The following HTR4 variants were observed in gnomAD, a reference collection of about 807,000 sequenced individuals.
HTR4 encodes 5-hydroxytryptamine receptor 4.
In HTR4, 16 loss-of-function variants were observed where a neutral mutation model predicts 36.8. The observed-to-expected ratio is 0.43, with a 90% CI of 0.29 to 0.66. The LOEUF is 0.66. HTR4 is among the 30% of genes least tolerant of loss of function. The pLI is 0.13. For missense variants in HTR4, 438 were observed against 490.9 expected, an observed-to-expected ratio of 0.89 and a Z score of 1.02; for synonymous variants, 189 against 185.1, an observed-to-expected ratio of 1.02 and a Z score of -0.17.
chr5:148,603,395 A>C (rs1762063158), intron 2 of HTR4, among the ~76,000 whole-genome samples: 1 of 152,050 alleles, frequency 6.6e-6, no homozygotes, highest in East Asian at 1.9e-4. Context: ...ATCCCAAAGA[A>C]CACCTTATAA....
At chr5:148,458,545 G>C (rs918813356) in intron 5 of HTR4, among the ~76,000 whole-genome samples, 7 of 152,044 alleles carry the variant, frequency 4.6e-5, no homozygotes, top group African/African-American at 9.7e-5. Context: ...CATGTCAGAG[G>C]GGGGATGAGA....
chr5:148,452,207 C>T (rs953835918), intron 5 of HTR4, among the ~76,000 whole-genome samples: 1 of 152,200 alleles, frequency 6.6e-6, no homozygotes, highest in Non-Finnish European at 1.5e-5. Context: ...ATTTAATCCC[C>T]ATAATTGCCT....
intron 4 of HTR4, among the ~76,000 whole-genome samples, chr5:148,528,402 A>C (rs1318546960): frequency 1.3e-5 from 2 of 152,138 alleles, no homozygotes; most frequent in Admixed American, 1.3e-4. Flanking sequence ...TCACACCAAG[A>C]CCTGGCACCT....
chr5:148,490,877 C>G (rs1756386633), intron 6 of HTR4: 3 of 469,586 alleles, frequency 6.4e-6, no homozygotes, highest in South Asian at 4.7e-5. Flanking sequence ...TAATTATGAC[C>G]TAAAACCTCT....
intron 2 of HTR4, among the ~76,000 whole-genome samples, chr5:148,577,510 A>G (rs1488619900): frequency 2.0e-5 from 3 of 152,170 alleles, no homozygotes; most frequent in African/African-American, 7.2e-5. Flanking sequence ...ATAAAGACAC[A>G]TGCACACGAA....
intron 2 of HTR4, among the ~76,000 whole-genome samples, chr5:148,595,332 C>A (rs370196285): frequency 1.3e-5 from 2 of 152,220 alleles, no homozygotes; most frequent in African/African-American, 4.8e-5. Context: ...GACACAGATG[C>A]CCCAGCTCAC....
intron 6 of HTR4, among the ~76,000 whole-genome samples, chr5:148,497,134 A>C (rs190137619): frequency 8.9e-4 from 136 of 152,120 alleles, no homozygotes; most frequent in South Asian, 2.5e-3. Flanking sequence ...TTCAAAAAAA[A>C]CCATTTTTTT....
At chr5:148,484,230 G>A (rs1383878635) in intron 6 of HTR4, 3 of 1,598,148 alleles carry the variant, frequency 1.9e-6, no homozygotes, top group Non-Finnish European at 2.6e-6. Context: ...AAAAAATGTT[G>A]AGCAAGATAA....
chr5:148,625,582 T>G (rs939937009), intron 2 of HTR4, among the ~76,000 whole-genome samples: 6 of 151,950 alleles, frequency 3.9e-5, no homozygotes, highest in African/African-American at 7.3e-5. Context: ...TTGTTTGGGG[T>G]TTTTTTGTTT....
intron 4 of HTR4, among the ~76,000 whole-genome samples, chr5:148,525,159 A>G (rs1490832820): frequency 1.3e-5 from 2 of 152,182 alleles, no homozygotes; most frequent in African/African-American, 4.8e-5. Flanking sequence ...AAGATAACTC[A>G]GTCATTGAAA....
At chr5:148,613,519 T>A (rs923862472) in intron 2 of HTR4, among the ~76,000 whole-genome samples, 1 of 151,450 alleles carries the variant, frequency 6.6e-6, no homozygotes, top group East Asian at 1.9e-4. Flanking sequence ...TAGGTATTGA[T>A]GGGATGTATC....
In HTR4 at chr5:148,457,474, C is replaced by T. The variant is rs1469545029; in HGVS notation, c.1077-6202G>A. Reference sequence around the variant, plus strand: ...GCAGCCTGGATGTGGTAATTAGTAGCGTAATAATAGCCCCCTCTGCCTGCC... The same window carrying T: ...GCAGCCTGGATGTGGTAATTAGTAGTGTAATAATAGCCCCCTCTGCCTGCC... On this transcript the variant is annotated intron_variant, in intron 5 of 5. Transcript: ENST00000521530. 3.4e-5 allele frequency among the ~76,000 whole-genome samples: 5 copies of T among 148,692 alleles called. No individual in the cohort carries two copies. In the South Asian group the frequency reaches 6.5e-4, roughly 19 times the overall value.
At chr5:148,502,868 C>T (rs369165304) in intron 6 of HTR4, among the ~76,000 whole-genome samples, 91 of 152,058 alleles carry the variant, frequency 6.0e-4, no homozygotes, top group African/African-American at 2.0e-3. Context: ...GTAGCCGATT[C>T]GATCAACTGG....
rs371117636 is a variant in HTR4, at chr5:148,553,408, T to TA, written c.27-3147dup. Reference sequence around the variant, plus strand: ...CATATTTAAGTTACCTGAGGAGCCTTAAAAAATGCTGATTCTGGGAATCCA... The same window carrying TA: ...CATATTTAAGTTACCTGAGGAGCCTTAAAAAAATGCTGATTCTGGGAATCCA... On this transcript the variant is annotated intron_variant, in intron 2 of 6. Transcript: ENST00000377888. 3.0e-3 allele frequency among the ~76,000 whole-genome samples: 458 copies of TA among 152,306 alleles called. 5 individuals are homozygous for TA. Among genetic ancestry groups the TA allele is most frequent in the African/African-American group, 8.9e-3 (371 of 41,560 alleles).
At chr5:148,469,726 G>C (rs1171461768) in intron 5 of HTR4, among the ~76,000 whole-genome samples, 1 of 152,192 alleles carries the variant, frequency 6.6e-6, no homozygotes, top group Non-Finnish European at 1.5e-5. Flanking sequence ...TGCCAGGGAG[G>C]AACATAGTCA....
At chr5:148,652,996 C>T (rs1366818585) in intron 1 of HTR4, among the ~76,000 whole-genome samples, 1 of 152,144 alleles carries the variant, frequency 6.6e-6, no homozygotes, top group African/African-American at 2.4e-5. Context: ...GCATCCACCA[C>T]CCACGTCCTT....
chr5:148,452,248 G>C (rs1754991080), intron 5 of HTR4, among the ~76,000 whole-genome samples: 1 of 152,122 alleles, frequency 6.6e-6, no homozygotes, highest in Non-Finnish European at 1.5e-5. Context: ...TTTTACATGT[G>C]AGCAAAATAA....
At chr5:148,487,729 A>G (rs1303669272) in intron 6 of HTR4, among the ~76,000 whole-genome samples, 1 of 151,774 alleles carries the variant, frequency 6.6e-6, no homozygotes, top group East Asian at 1.9e-4. Flanking sequence ...AGATAGAGAC[A>G]GTAGAGAGAG....
downstream of HTR4, among the ~76,000 whole-genome samples, chr5:148,472,014 A>G (rs185661814): frequency 1.3e-5 from 2 of 152,294 alleles, no homozygotes; most frequent in East Asian, 3.9e-4. Context: ...TTATACTCTC[A>G]GGATACTCAC....
Sources: gnomAD v4.1 joint callset for allele counts (sites outside exome capture counted in the v4.1 genomes callset) on GRCh38, gnomAD v4.1.1 for gene constraint, MANE v1.5 for transcripts, NCBI Gene and HGNC (gene_info 2026-07-23, HGNC 2026-07-21) for gene names.